Variants in BMPR1B observed in about 807,000 individuals in gnomAD.
The protein encoded by BMPR1B is bone morphogenetic protein receptor type-1B.
BMPR1B carries 12 observed loss-of-function variants against 59.1 expected under a neutral mutation model. The observed-to-expected ratio is 0.20, with a 90% CI of 0.13 to 0.33. The LOEUF is 0.33. Ranked by LOEUF, BMPR1B falls within the 10% of genes least tolerant of loss-of-function variation. The pLI, the probability that BMPR1B is intolerant of heterozygous loss-of-function variation, is 1.00. For missense variants in BMPR1B, 550 were observed against 610.9 expected, an observed-to-expected ratio of 0.90 and a Z score of 1.05; for synonymous variants, 237 against 207.3, an observed-to-expected ratio of 1.14 and a Z score of -1.23.
chr4:94,905,001 A>AATT (rs1435351718), intron 2 of BMPR1B, among the ~76,000 whole-genome samples: 1 of 152,068 alleles, frequency 6.6e-6, no homozygotes, highest in African/African-American at 2.4e-5. Context: ...AGCTTTAAAT[A>AATT]ATTTCTATTT....
chr4:94,952,919 CTTATG>C (rs1171010925), intron 2 of BMPR1B, among the ~76,000 whole-genome samples: 1 of 152,164 alleles, frequency 6.6e-6, no homozygotes, highest in Non-Finnish European at 1.5e-5. Flanking sequence ...TCTCTAAAAA[CTTATG>C]TTATGAATCT....
intron 1 of BMPR1B, among the ~76,000 whole-genome samples, chr4:94,802,728 C>CT (rs1308486901): frequency 6.6e-6 from 1 of 152,048 alleles, no homozygotes; most frequent in African/African-American, 2.4e-5. Flanking sequence ...TTGATCTGGA[C>CT]TTTCTAATAA....
chr4:94,790,450 A>T (rs553206376), intron 1 of BMPR1B, among the ~76,000 whole-genome samples: 2 of 152,286 alleles, frequency 1.3e-5, no homozygotes, highest in South Asian at 2.1e-4. Flanking sequence ...TTCTGGAGGC[A>T]GGAAGGCCAG....
intron 2 of BMPR1B, among the ~76,000 whole-genome samples, chr4:94,890,473 G>A (rs981282819): frequency 2.6e-5 from 4 of 152,012 alleles, no homozygotes; most frequent in African/African-American, 2.4e-5. Flanking sequence ...ATACATTTGT[G>A]GCTGTAAATT....
intron 3 of BMPR1B, among the ~76,000 whole-genome samples, chr4:95,025,000 C>G (rs1216908731): frequency 6.6e-6 from 1 of 152,066 alleles, no homozygotes; most frequent in Non-Finnish European, 1.5e-5. Context: ...ACTCGGGAGG[C>G]TGAGGCATGA....
chr4:94,949,283 T>TC (rs1406573475), intron 2 of BMPR1B, among the ~76,000 whole-genome samples: 1 of 149,458 alleles, frequency 6.7e-6, no homozygotes, highest in Non-Finnish European at 1.5e-5. Flanking sequence ...TTCATCCATG[T>TC]CCCTGCAAAG....
intron 1 of BMPR1B, among the ~76,000 whole-genome samples, chr4:94,800,447 A>ATTTTT (rs71583665): frequency 1.7e-5 from 2 of 120,108 alleles, no homozygotes. Flanking sequence ...GGTCTTTACT[A>ATTTTT]TTTTTTTTTT....
chr4:95,013,872 G>C (rs1452710856), intron 3 of BMPR1B, among the ~76,000 whole-genome samples: 1 of 152,054 alleles, frequency 6.6e-6, no homozygotes, highest in African/African-American at 2.4e-5. Flanking sequence ...TTTACTTTCA[G>C]GTTTTCCTGT....
At chr4:94,880,545 G>A (rs35400524) in intron 2 of BMPR1B, among the ~76,000 whole-genome samples, 21,263 of 151,702 alleles carry the variant, frequency 0.14, 1,686 homozygotes, top group South Asian at 0.19. Context: ...GGCTGGTCTC[G>A]AACTTCTCAG....
chr4:94,886,508 A>AAATTGTTG (rs769070126), intron 2 of BMPR1B, among the ~76,000 whole-genome samples: 6 of 152,216 alleles, frequency 3.9e-5, no homozygotes, highest in Non-Finnish European at 8.8e-5. Context: ...TTATGCTACA[A>AAATTGTTG]AATTGTTGAA....
intron 2 of BMPR1B, among the ~76,000 whole-genome samples, chr4:94,972,976 G>T (rs768976855): frequency 1.5e-4 from 23 of 152,212 alleles, no homozygotes; most frequent in African/African-American, 5.3e-4. Context: ...TTGGGTGTTG[G>T]CAGGAACAAA....
intron 3 of BMPR1B, among the ~76,000 whole-genome samples, chr4:95,030,705 A>C (rs1724775094): frequency 6.6e-6 from 1 of 152,142 alleles, no homozygotes; most frequent in Admixed American, 6.6e-5. Context: ...CAAAAATCAC[A>C]AGCATTCTTA....
rs1735135485 is a variant in BMPR1B, at chr4:95,152,738, C to T, written c.1348C>T (p.Arg450Cys). Reference protein sequence around the residue: ...MREIVCIKKLRPSFPNRWSSD... With the variant: ...MREIVCIKKLCPSFPNRWSSD... ...GGAGATTGTGTGCATCAAGAAGTTACGCCCCTCATTCCCAAACCGGTGGAG... is the reference window on the plus strand; with the variant it reads ...GGAGATTGTGTGCATCAAGAAGTTATGCCCCTCATTCCCAAACCGGTGGAG... The change falls in exon 12 of 13, where the codon CGC becomes TGC. Residue 450 changes from arginine (R) to cysteine (C), a missense_variant. By Grantham distance (180) the Arg-to-Cys change is radical. Coordinates refer to ENST00000515059, the MANE Select transcript of BMPR1B (RefSeq NM_001203.3). The T allele has an allele frequency of 2.5e-6, 4 of 1,610,168 alleles. No individual in the cohort carries two copies. The highest frequency in any genetic ancestry group is 3.4e-6 in the Non-Finnish European group (4 of 1,178,228).
At chr4:95,153,597 C>T (rs1735210071) in intron 12 of BMPR1B, among the ~76,000 whole-genome samples, 1 of 152,112 alleles carries the variant, frequency 6.6e-6, no homozygotes, top group Non-Finnish European at 1.5e-5. Flanking sequence ...ATCTGTAATC[C>T]CGGCACTTTG....
At chr4:95,034,633 T>G (rs1451306473) in intron 3 of BMPR1B, among the ~76,000 whole-genome samples, 4 of 138,362 alleles carry the variant, frequency 2.9e-5, no homozygotes, top group African/African-American at 1.1e-4. Flanking sequence ...CTTAGTAGTA[T>G]TCCATGTTTA....
rs141962723 is a variant in BMPR1B, at chr4:94,908,927, A to C, written c.-113+33027A>C. On this transcript the variant is annotated intron_variant, in intron 2 of 12. Coordinates refer to ENST00000515059, the MANE Select transcript of BMPR1B (RefSeq NM_001203.3). ...TTGGTGTCTTAAAACAACAGAAAAT[A>C]ATTTTCCTCACCATTCTGAAGACCA... Among the ~76,000 whole-genome samples the C allele has an allele frequency of 8.4e-3, 1,274 of 152,128 alleles. 16 individuals are homozygous for C. The highest frequency in any genetic ancestry group is 0.024 in the African/African-American group (1,000 of 41,528).
intron 6 of BMPR1B, among the ~76,000 whole-genome samples, 184 bp downstream of exon 6, chr4:95,115,971 A>T (rs1731999562): frequency 6.6e-6 from 1 of 152,198 alleles, no homozygotes; most frequent in Non-Finnish European, 1.5e-5. Flanking sequence ...GAAAACAGTC[A>T]TATGTGACTT....
intron 3 of BMPR1B, among the ~76,000 whole-genome samples, chr4:95,001,792 G>C (rs775551230): frequency 5.3e-5 from 8 of 152,030 alleles, no homozygotes; most frequent in Non-Finnish European, 1.0e-4. Flanking sequence ...AAGACGTAGA[G>C]GGGGGCAAAA....
rs1434273641 is a variant in BMPR1B at position 94,808,141 on chromosome 4, A to G, written c.-183+50073A>G. Among the ~76,000 whole-genome samples, 6 of 152,252 alleles carry G rather than the reference A, an allele frequency of 3.9e-5. No individual in the cohort carries two copies. In the East Asian group the frequency reaches 1.2e-3, roughly 29 times the overall value. ...TAAATGGATACCAGATTTGTTCTGA[A>G]TGCTATTTTAAATGTTTTTGCATTT... On this transcript the variant is annotated intron_variant, in intron 1 of 12. Transcript: ENST00000515059.
Sources: gnomAD v4.1 joint callset for allele counts (sites outside exome capture counted in the v4.1 genomes callset) on GRCh38, gnomAD v4.1.1 for gene constraint, MANE v1.5 for transcripts, NCBI Gene and HGNC (gene_info 2026-07-23, HGNC 2026-07-21) for gene names.